Variants in SUGCT observed in about 807,000 individuals in gnomAD.
SUGCT encodes the protein succinyl-CoA:glutarate-CoA transferase.
SUGCT carries 41 observed loss-of-function variants against 55.0 expected under a neutral mutation model. The ratio of observed to expected loss-of-function variants is 0.74; its 90% CI spans 0.58 to 0.97. SUGCT has a LOEUF of 0.97. SUGCT is among the 50% of genes least tolerant of loss of function. The pLI is 0.00. For missense variants in SUGCT, 568 were observed against 547.8 expected, an observed-to-expected ratio of 1.04 and a Z score of -0.37; for synonymous variants, 187 against 200.4, an observed-to-expected ratio of 0.93 and a Z score of 0.56.
the SUGCT span, among the ~76,000 whole-genome samples, chr7:40,899,443 T>C: frequency 6.6e-6 from 1 of 152,176 alleles, no homozygotes; most frequent in South Asian, 2.1e-4. Context: ...GTCAGCCATT[T>C]ACCTCTGTGA....
chr7:40,503,821 A>G (rs1792436240), intron 12 of SUGCT, among the ~76,000 whole-genome samples: 4 of 152,192 alleles, frequency 2.6e-5, no homozygotes, highest in African/African-American at 9.6e-5. Flanking sequence ...AAAAGTGAAA[A>G]CCTGTAAAGT....
At chr7:40,740,063 T>C (rs1787381678) in intron 12 of SUGCT, among the ~76,000 whole-genome samples, 1 of 152,184 alleles carries the variant, frequency 6.6e-6, no homozygotes, top group African/African-American at 2.4e-5. Context: ...TCCACTTGTT[T>C]AGGTCTTGAT....
chr7:40,365,228 ACT>A (rs1265252189), intron 9 of SUGCT, among the ~76,000 whole-genome samples: 2 of 152,100 alleles, frequency 1.3e-5, no homozygotes, highest in African/African-American at 4.8e-5. Context: ...CATGCTAAAA[ACT>A]CTCAATAAAT....
At chr7:40,262,568 G>A (rs754787148) in intron 7 of SUGCT, among the ~76,000 whole-genome samples, 1 of 151,814 alleles carries the variant, frequency 6.6e-6, no homozygotes, top group African/African-American at 2.4e-5. Flanking sequence ...GGGAGGCTGA[G>A]GCAGAAGAAT....
At chr7:40,898,415 T>A in the SUGCT span, among the ~76,000 whole-genome samples, 1 of 133,842 alleles carries the variant, frequency 7.5e-6, no homozygotes, top group Non-Finnish European at 1.5e-5. Context: ...CACATCATCT[T>A]TAAGAACTGT....
intron 9 of SUGCT, among the ~76,000 whole-genome samples, chr7:40,445,485 C>T (rs956165949): frequency 2.0e-5 from 3 of 152,188 alleles, no homozygotes; most frequent in Non-Finnish European, 4.4e-5. Context: ...ATATCAGGCT[C>T]CGAAATTGAG....
chr7:40,991,236 G>T, the SUGCT span, among the ~76,000 whole-genome samples: 1 of 152,178 alleles, frequency 6.6e-6, no homozygotes, highest in South Asian at 2.1e-4. Context: ...GGCCTGAGGA[G>T]ATGGAGAAAG....
At chr7:40,484,431 C>T (rs1379668980) in intron 11 of SUGCT, among the ~76,000 whole-genome samples, 1 of 152,178 alleles carries the variant, frequency 6.6e-6, no homozygotes, top group Non-Finnish European at 1.5e-5. Flanking sequence ...GCAACACTCC[C>T]AGTGCTCCCA....
chr7:40,356,603 C>T (rs1797897992), intron 9 of SUGCT, among the ~76,000 whole-genome samples: 1 of 152,158 alleles, frequency 6.6e-6, no homozygotes, highest in Non-Finnish European at 1.5e-5. Flanking sequence ...GATGAATAAC[C>T]ATAGGCTCTG....
At chr7:40,986,379 A>G in the SUGCT span, among the ~76,000 whole-genome samples, 1 of 152,198 alleles carries the variant, frequency 6.6e-6, no homozygotes, top group East Asian at 1.9e-4. Context: ...AACAATGAGC[A>G]AGTCTTCAGT....
chr7:40,488,875 C>T (rs1791530850), intron 11 of SUGCT, among the ~76,000 whole-genome samples: 1 of 152,078 alleles, frequency 6.6e-6, no homozygotes, highest in Non-Finnish European at 1.5e-5. Flanking sequence ...CTTCTTTTCT[C>T]TTGTTGCTTT....
intron 1 of SUGCT, among the ~76,000 whole-genome samples, chr7:40,165,800 A>C (rs1784396328): frequency 6.6e-6 from 1 of 152,184 alleles, no homozygotes; most frequent in South Asian, 2.1e-4. Context: ...TGTATAATAC[A>C]TATATGATAA....
At chr7:40,344,950 A>C (rs374142336) in intron 9 of SUGCT, among the ~76,000 whole-genome samples, 22 of 152,206 alleles carry the variant, frequency 1.4e-4, no homozygotes, top group African/African-American at 5.1e-4. Context: ...TCAGCCAAGG[A>C]TTAGGCACAT....
chr7:40,223,797 T>C (rs1292212086), intron 6 of SUGCT, among the ~76,000 whole-genome samples: 1 of 152,240 alleles, frequency 6.6e-6, no homozygotes, highest in Non-Finnish European at 1.5e-5. Flanking sequence ...TAGACTGTAC[T>C]TAATTGTGTT....
chr7:40,215,725 G>T (rs1363057382), intron 6 of SUGCT, among the ~76,000 whole-genome samples: 1 of 152,016 alleles, frequency 6.6e-6, no homozygotes, highest in African/African-American at 2.4e-5. Context: ...AGCTGGGCGA[G>T]GTGGCGGGCG....
intron 2 of SUGCT, among the ~76,000 whole-genome samples, chr7:40,181,282 A>G (rs909171854): frequency 3.9e-5 from 6 of 152,262 alleles, no homozygotes; most frequent in East Asian, 1.9e-4. Context: ...TATTTTTAAT[A>G]TTTTCCTATG....
chr7:40,296,744 T>G (rs1387714283), intron 8 of SUGCT, among the ~76,000 whole-genome samples: 1 of 151,624 alleles, frequency 6.6e-6, no homozygotes, highest in Non-Finnish European at 1.5e-5. Flanking sequence ...TAGGAAAACC[T>G]TAGTCTCTCT....
chr7:40,585,476 A>T (rs916140423), intron 12 of SUGCT, among the ~76,000 whole-genome samples: 1 of 152,138 alleles, frequency 6.6e-6, no homozygotes, highest in Non-Finnish European at 1.5e-5. Context: ...TAGGAAGAAC[A>T]TCGTTTTGTG....
At chr7:40,740,237 T>A (rs1787390542) in intron 12 of SUGCT, among the ~76,000 whole-genome samples, 7 of 152,082 alleles carry the variant, frequency 4.6e-5, no homozygotes. Flanking sequence ...ATATGATTGA[T>A]CTCTGTACAT....
Sources: allele counts gnomAD v4.1 joint callset (sites outside exome capture counted in the v4.1 genomes callset), GRCh38; gene constraint gnomAD v4.1.1; transcripts MANE v1.5; gene names NCBI Gene and HGNC (gene_info 2026-07-23, HGNC 2026-07-21).